QTMAN: variants seen among roughly 807,000 people sequenced by gnomAD.
QTMAN encodes queuosine-tRNA mannosyltransferase.
At chr2:144,214,284 T>A in the QTMAN span, among the ~76,000 whole-genome samples, 1 of 152,174 alleles carries the variant, frequency 6.6e-6, no homozygotes, top group African/African-American at 2.4e-5. Context: ...TCTATAAAAA[T>A]CAGGCATAGC....
chr2:144,128,476 G>T, the QTMAN span, among the ~76,000 whole-genome samples: 1 of 152,046 alleles, frequency 6.6e-6, no homozygotes, highest in South Asian at 2.1e-4. Flanking sequence ...ACTCTTCTAA[G>T]AAATTTCTGA....
the QTMAN span, among the ~76,000 whole-genome samples, chr2:143,952,456 CTGTG>C: frequency 2.7e-5 from 4 of 150,938 alleles, no homozygotes; most frequent in South Asian, 2.1e-4. Context: ...CCTGATTTTT[CTGTG>C]TGTATCATTA....
chr2:144,175,626 G>T, the QTMAN span, among the ~76,000 whole-genome samples: 1 of 151,462 alleles, frequency 6.6e-6, no homozygotes, highest in Non-Finnish European at 1.5e-5. Flanking sequence ...GATATATATA[G>T]AGAGATATTT....
the QTMAN span, among the ~76,000 whole-genome samples, chr2:144,098,135 T>C: frequency 6.6e-6 from 1 of 152,240 alleles, no homozygotes; most frequent in African/African-American, 2.4e-5. Context: ...GTTTCTACAC[T>C]GACCTTCAAG....
At chr2:144,195,720 A>T in the QTMAN span, among the ~76,000 whole-genome samples, 6 of 152,186 alleles carry the variant, frequency 3.9e-5, no homozygotes, top group Non-Finnish European at 7.4e-5. Context: ...GTCTACTGAC[A>T]TATTAAACAG....
the QTMAN span, among the ~76,000 whole-genome samples, chr2:144,322,639 A>G: frequency 6.6e-6 from 1 of 152,202 alleles, no homozygotes; most frequent in Non-Finnish European, 1.5e-5. Flanking sequence ...GTGAAACGGA[A>G]GCACATGTAT....
the QTMAN span, among the ~76,000 whole-genome samples, chr2:144,071,396 C>T: frequency 2.6e-5 from 4 of 151,758 alleles, no homozygotes; most frequent in Admixed American, 6.6e-5. Flanking sequence ...AAAATTAATC[C>T]CGATTATGCA....
the QTMAN span, among the ~76,000 whole-genome samples, chr2:144,171,908 G>A: frequency 6.6e-6 from 1 of 152,034 alleles, no homozygotes; most frequent in South Asian, 2.1e-4. Flanking sequence ...ACTGTAGTGG[G>A]CATTTTGAAA....
the QTMAN span, among the ~76,000 whole-genome samples, chr2:144,039,430 T>C: frequency 6.6e-6 from 1 of 152,074 alleles, no homozygotes; most frequent in African/African-American, 2.4e-5. Context: ...ATGAGAACCA[T>C]GTCTTCTGGT....
the QTMAN span, among the ~76,000 whole-genome samples, chr2:144,189,158 C>T: frequency 1.3e-5 from 2 of 152,166 alleles, no homozygotes; most frequent in African/African-American, 2.4e-5. Flanking sequence ...TGTATGCATA[C>T]ATATATGCAT....
At chr2:144,035,912 G>C in the QTMAN span, among the ~76,000 whole-genome samples, 1 of 152,136 alleles carries the variant, frequency 6.6e-6, no homozygotes, top group African/African-American at 2.4e-5. Flanking sequence ...ATGGGCATTT[G>C]AAAGCAAACA....
the QTMAN span, among the ~76,000 whole-genome samples, chr2:144,286,539 T>C: frequency 6.6e-6 from 1 of 152,210 alleles, no homozygotes; most frequent in South Asian, 2.1e-4. Context: ...ACACACCTTG[T>C]TGAAATTTAA....
At chr2:143,972,894 C>T in the QTMAN span, among the ~76,000 whole-genome samples, 1 of 152,158 alleles carries the variant, frequency 6.6e-6, no homozygotes, top group African/African-American at 2.4e-5. Context: ...GTTTAGGGAA[C>T]ATAGATTAGC....
At chr2:144,049,646 T>C in the QTMAN span, among the ~76,000 whole-genome samples, 2 of 152,200 alleles carry the variant, frequency 1.3e-5, no homozygotes, top group African/African-American at 4.8e-5. Flanking sequence ...TTTTAAACTT[T>C]GCTTCCTAGT....
the QTMAN span, among the ~76,000 whole-genome samples, chr2:144,308,094 T>C: frequency 6.6e-6 from 1 of 151,852 alleles, no homozygotes; most frequent in East Asian, 1.9e-4. Context: ...CAGTGTTATG[T>C]TGGCATGATA....
chr2:144,080,989 T>G, the QTMAN span, among the ~76,000 whole-genome samples: 1 of 152,226 alleles, frequency 6.6e-6, no homozygotes, highest in African/African-American at 2.4e-5. Context: ...TGCCTGTTGT[T>G]AGCAAATTTT....
At chr2:144,127,375 G>A in the QTMAN span, among the ~76,000 whole-genome samples, 1 of 151,910 alleles carries the variant, frequency 6.6e-6, no homozygotes, top group East Asian at 1.9e-4. Context: ...TTCTATAAAA[G>A]GACTAGACTT....
the QTMAN span, among the ~76,000 whole-genome samples, chr2:144,184,986 A>G: frequency 6.6e-6 from 1 of 152,182 alleles, no homozygotes; most frequent in East Asian, 1.9e-4. Context: ...ACTGTAAAAA[A>G]GGTGCTATTA....
chr2:143,994,712 A>G, the QTMAN span, among the ~76,000 whole-genome samples: 1 of 152,194 alleles, frequency 6.6e-6, no homozygotes, highest in Non-Finnish European at 1.5e-5. Context: ...AAGCAAGTAG[A>G]TTAGTGGTTT....
Sources: gnomAD v4.1 joint callset for allele counts (sites outside exome capture counted in the v4.1 genomes callset) on GRCh38, gnomAD v4.1.1 for gene constraint, MANE v1.5 for transcripts, NCBI Gene and HGNC (gene_info 2026-07-23, HGNC 2026-07-21) for gene names.